Variants in TRPM3 observed in about 807,000 individuals in gnomAD.
TRPM3 encodes transient receptor potential cation channel subfamily M member 3.
TRPM3 carries 77 observed loss-of-function variants against 181.2 expected under a neutral mutation model. The ratio of observed to expected loss-of-function variants is 0.42; its 90% CI spans 0.35 to 0.51. TRPM3 has a LOEUF of 0.51. Among genes scored for constraint, TRPM3 ranks in the 20% least tolerant of loss-of-function variants. The pLI is 0.01. For missense variants in TRPM3, 1,759 were observed against 2,196.7 expected (o/e 0.80, Z 3.98); for synonymous variants, 745 against 796.4 (o/e 0.94, Z 1.09).
intron 1 of TRPM3, among the ~76,000 whole-genome samples, chr9:70,934,107 C>T (rs1397200158): frequency 6.6e-6 from 1 of 152,164 alleles, no homozygotes; most frequent in East Asian, 1.9e-4. Flanking sequence ...TTTAGTAGTT[C>T]TGTATCCTGT....
intron 1 of TRPM3, among the ~76,000 whole-genome samples, chr9:71,303,015 G>A (rs1474821407): frequency 2.6e-5 from 4 of 152,086 alleles, no homozygotes; most frequent in Admixed American, 2.0e-4. Flanking sequence ...AGACTCTAGG[G>A]ACACTAGCAC....
intron 12 of TRPM3, among the ~76,000 whole-genome samples, chr9:70,626,491 C>T (rs1170548975): frequency 6.6e-6 from 1 of 152,194 alleles, no homozygotes; most frequent in Non-Finnish European, 1.5e-5. Context: ...TCACAGAAGA[C>T]GTGCATTATG....
intron 1 of TRPM3, among the ~76,000 whole-genome samples, chr9:71,368,980 T>TCATGAAAATAAGACATA (rs2092426893): frequency 6.6e-6 from 1 of 152,108 alleles, no homozygotes; most frequent in South Asian, 2.1e-4. Context: ...AACTGAATGA[T>TCATGAAAATAAGACATA]CATGAAAATA....
At chr9:71,433,839 G>A (rs953040805) in intron 1 of TRPM3, among the ~76,000 whole-genome samples, 1 of 152,088 alleles carries the variant, frequency 6.6e-6, no homozygotes, top group African/African-American at 2.4e-5. Context: ...ATGCACTTTG[G>A]AAATTTCCTG....
chr9:71,236,879 T>C (rs2081378105), intron 1 of TRPM3, among the ~76,000 whole-genome samples: 1 of 151,926 alleles, frequency 6.6e-6, no homozygotes, highest in South Asian at 2.1e-4. Context: ...AAACACTGTC[T>C]CTACTAAAAA....
intron 1 of TRPM3, among the ~76,000 whole-genome samples, chr9:71,326,943 A>T (rs1397443287): frequency 6.6e-6 from 1 of 152,128 alleles, no homozygotes; most frequent in Non-Finnish European, 1.5e-5. Flanking sequence ...TGTGTAATAC[A>T]CTGGTTATGC....
At chr9:71,031,879 C>T (rs1026676312) in intron 1 of TRPM3, among the ~76,000 whole-genome samples, 3 of 142,026 alleles carry the variant, frequency 2.1e-5, no homozygotes, top group African/African-American at 5.2e-5. Context: ...TGGGACCCAT[C>T]CAACATGTAT....
intron 1 of TRPM3, among the ~76,000 whole-genome samples, chr9:71,066,235 C>T (rs2061906283): frequency 6.6e-6 from 1 of 152,136 alleles, no homozygotes; most frequent in South Asian, 2.1e-4. Flanking sequence ...ATCTTGATGA[C>T]AATAATACCT....
At position 70,640,548 on chromosome 9, in the gene TRPM3, T is replaced by C; in HGVS notation, c.1446+12A>G. 1 of 1,610,022 alleles carries C rather than the reference T, an allele frequency of 6.2e-7. No homozygotes were observed. Among genetic ancestry groups the C allele is most frequent in the Non-Finnish European group, 8.5e-7 (1 of 1,177,534 alleles). On this transcript the variant is annotated intron_variant, in intron 10 of 25. Coordinates refer to ENST00000677713, the MANE Select transcript of TRPM3 (RefSeq NM_001366145.2). ...AAAGTGGGCTTTTCATGGGAGACGATATATACTCTACCGGCCACTGTTGCC... is the reference window on the plus strand; with the variant it reads ...AAAGTGGGCTTTTCATGGGAGACGACATATACTCTACCGGCCACTGTTGCC...
At chr9:71,390,550 T>C (rs2093038399) in intron 1 of TRPM3, among the ~76,000 whole-genome samples, 1 of 152,024 alleles carries the variant, frequency 6.6e-6, no homozygotes, top group African/African-American at 2.4e-5. Context: ...GTACTTCTTT[T>C]AGGTAGTTTA....
intron 1 of TRPM3, among the ~76,000 whole-genome samples, chr9:71,007,689 C>A (rs960720342): frequency 1.3e-5 from 2 of 151,938 alleles, no homozygotes; most frequent in African/African-American, 2.4e-5. Context: ...TGGAATACAA[C>A]AGATCAAATA....
chr9:70,631,006 T>A (rs184718222), intron 12 of TRPM3, among the ~76,000 whole-genome samples: 2,176 of 152,342 alleles, frequency 0.014, 20 homozygotes, highest in Non-Finnish European at 0.022. Context: ...TGTCTTCCTT[T>A]GAAACTCATA....
chr9:70,594,427 G>A (rs2058653579), intron 21 of TRPM3, among the ~76,000 whole-genome samples: 1 of 152,218 alleles, frequency 6.6e-6, no homozygotes, highest in Admixed American at 6.5e-5. Flanking sequence ...ACCTATTTCC[G>A]AGGGGGTATG....
At chr9:70,868,964 A>C in intron 1 of TRPM3, 3 of 983,884 alleles carry the variant, frequency 3.0e-6, no homozygotes, top group South Asian at 4.7e-5. Context: ...AACAAGAGAA[A>C]AGTTAGCTGA....
rs576181050 is a variant in TRPM3 at position 71,405,565 on chromosome 9, G to A, written c.183+41088C>T. Among the ~76,000 whole-genome samples the A allele has an allele frequency of 5.9e-4, 89 of 152,056 alleles. No individual in the cohort carries two copies. The South Asian group carries it at 0.014, about 24-fold the overall frequency. On this transcript the variant is annotated intron_variant, in intron 1 of 24. Transcript: ENST00000357533. ...GATGTGTCTCTTCCTTTAGGAATGT[G>A]AAAAAAACAAAAGTAAGCTTAAACC...
chr9:70,626,224 A>G (rs2064567638), intron 12 of TRPM3, among the ~76,000 whole-genome samples: 1 of 152,176 alleles, frequency 6.6e-6, no homozygotes. Context: ...TTTTGCTGTT[A>G]GGTCAAGGGA....
At chr9:70,821,337 T>C (rs1308180777) in intron 6 of TRPM3, among the ~76,000 whole-genome samples, 2 of 152,172 alleles carry the variant, frequency 1.3e-5, no homozygotes, top group East Asian at 1.9e-4. Flanking sequence ...GAAAACAAGA[T>C]TGGCCCAGGG....
exon 1 of TRPM3, chr9:71,446,668 C>T: frequency 6.5e-7 from 1 of 1,550,148 alleles, no homozygotes; most frequent in Non-Finnish European, 8.7e-7. Context: ...TCTGCTGCGA[C>T]GGGAGTCCCG....
intron 1 of TRPM3, among the ~76,000 whole-genome samples, chr9:71,012,997 T>G (rs2097757828): frequency 3.3e-5 from 5 of 152,120 alleles, no homozygotes; most frequent in Admixed American, 3.3e-4. Context: ...TCACTGATAC[T>G]GGTATTTGGA....
Sources: allele counts gnomAD v4.1 joint callset (sites outside exome capture counted in the v4.1 genomes callset), GRCh38; gene constraint gnomAD v4.1.1; transcripts MANE v1.5; gene names NCBI Gene and HGNC (gene_info 2026-07-23, HGNC 2026-07-21).